TRA2B: variants seen among roughly 807,000 people sequenced by gnomAD.
TRA2B encodes transformer 2 beta homolog.
A neutral mutation model predicts 41.7 loss-of-function variants in TRA2B; 14 were observed. That is an observed-to-expected ratio of 0.34 (90% CI 0.22 to 0.53). The LOEUF is 0.53. TRA2B is among the 20% of genes least tolerant of loss of function. The probability of loss-of-function intolerance (pLI) is 0.95; values close to 1 mark genes in which losing one functional copy is unlikely to be tolerated. For missense variants in TRA2B, 167 were observed against 396.8 expected (o/e 0.42, Z 4.92); for synonymous variants, 130 against 128.8 (o/e 1.01, Z -0.06).
rs950963851 is a variant in TRA2B at position 185,917,454 on chromosome 3, T to G, written c.*261A>C. ...TGAAGTTTTGTACAATAGAAACTTC[T>G]CAGCAGTCAAAATTTAGACTGTAAA... On this transcript the variant is annotated 3_prime_UTR_variant, in exon 9 of 9. Transcript: ENST00000453386. The G allele has an allele frequency of 3.8e-5, 17 of 445,526 alleles. No homozygotes were observed. Among genetic ancestry groups the G allele is most frequent in the African/African-American group, 8.2e-5 (4 of 48,868 alleles). The allele number at this position is 445,526 out of a possible 1,614,324, so 27.6% of individuals were successfully genotyped here.
intron 1 of TRA2B, chr3:185,934,853 A>G: frequency 1.0e-6 from 1 of 985,444 alleles, no homozygotes; most frequent in Non-Finnish European, 1.2e-6. Context: ...CTATGTTGCA[A>G]TCACATCGGC....
chr3:185,934,938 ACAT>A, intron 1 of TRA2B: 2 of 985,446 alleles, frequency 2.0e-6, no homozygotes, highest in South Asian at 9.4e-5. Flanking sequence ...TCTGGTCCAT[ACAT>A]CAGTGTCTCC....
At chr3:185,928,105 T>A (rs1744019903) in intron 1 of TRA2B, 1 of 152,252 alleles carries the variant, frequency 6.6e-6, no homozygotes, top group East Asian at 1.9e-4. Context: ...AGGATTATTC[T>A]AAATTACAGC....
intron 1 of TRA2B, chr3:185,937,509 G>T: frequency 9.4e-7 from 1 of 1,058,570 alleles, no homozygotes; most frequent in Middle Eastern, 3.7e-4. Flanking sequence ...GCCGAAATAA[G>T]ATATCGCTCC....
At chr3:185,919,155 T>C (rs1034294418) in intron 7 of TRA2B, among the ~76,000 whole-genome samples, 1 of 148,532 alleles carries the variant, frequency 6.7e-6, no homozygotes, top group African/African-American at 2.6e-5. Flanking sequence ...GAAAATGTAA[T>C]ACAAGAACAT....
At chr3:185,935,900 A>C in intron 1 of TRA2B, 1 of 984,598 alleles carries the variant, frequency 1.0e-6, no homozygotes, top group Non-Finnish European at 1.2e-6. Flanking sequence ...TTATGTAAGA[A>C]AAAAAACTCA....
Position 185,924,036 on chromosome 3 carries a change from G to T in TRA2B, c.334-52C>A, listed in dbSNP as rs754073321. The T allele has an allele frequency of 9.1e-6, 14 of 1,538,706 alleles. No individual in the cohort carries two copies. The South Asian group carries it at 1.8e-4, about 20-fold the overall frequency. Reference sequence around the variant, plus strand: ...TTGGAAAAGTTGTCATAAAATCAAAGTTGTTTAAAAAGGGAGCTGTATACT... The same window carrying T: ...TTGGAAAAGTTGTCATAAAATCAAATTTGTTTAAAAAGGGAGCTGTATACT... On this transcript the variant is annotated intron_variant, in intron 3 of 8. Transcript: ENST00000453386.
chr3:185,922,134 A>C lies in TRA2B; in HGVS notation c.523-8T>G. The C allele has an allele frequency of 6.2e-7, 1 of 1,606,612 alleles. No homozygotes were observed. The highest frequency in any genetic ancestry group is 8.5e-7 in the Non-Finnish European group (1 of 1,174,472). ...ATTGGCACGTTCTTTAGCCTTCAAA[A>C]GGTAAATAAATTGTTACATACATCC... On this transcript the variant is annotated splice_region_variant and splice_polypyrimidine_tract_variant and intron_variant, in intron 4 of 8. Coordinates refer to ENST00000453386, the MANE Select transcript of TRA2B (RefSeq NM_004593.3).
At chr3:185,935,764 G>C in intron 1 of TRA2B, 22 of 985,396 alleles carry the variant, frequency 2.2e-5, no homozygotes, top group Middle Eastern at 5.2e-4. Flanking sequence ...ACACGTGTTT[G>C]ATTCAGGTGT....
chr3:185,930,152 T>C (rs189092937), intron 1 of TRA2B, among the ~76,000 whole-genome samples: 56 of 152,294 alleles, frequency 3.7e-4, no homozygotes, highest in Non-Finnish European at 2.5e-4. Context: ...AGATTCCAAA[T>C]TGCTTTCTTT....
rs1299033365 is a variant in TRA2B at position 185,915,683 on chromosome 3, CT to C, written c.*2031del. Among the ~76,000 whole-genome samples the C allele has an allele frequency of 3.3e-5, 5 of 152,102 alleles. No individual in the cohort carries two copies. The highest frequency in any genetic ancestry group is 1.2e-4 in the African/African-American group (5 of 41,414). On this transcript the variant is annotated 3_prime_UTR_variant, in exon 9 of 9. Coordinates refer to ENST00000453386, the MANE Select transcript of TRA2B (RefSeq NM_004593.3). ...AAGCCAGAAAACAACTCAAACTAGC[CT>C]AAAAAAGGAAACTTTCAATCAGCAG... is the stretch of plus-strand genomic sequence containing the variant.
chr3:185,927,305 G>A (rs1217802839), intron 1 of TRA2B: 12 of 152,228 alleles, frequency 7.9e-5, no homozygotes, highest in Admixed American at 7.9e-4. Context: ...TAGCTTGAAG[G>A]ACACTAAACC....
intron 1 of TRA2B, chr3:185,937,255 G>A (rs1744398872): frequency 3.0e-6 from 3 of 986,146 alleles, no homozygotes; most frequent in South Asian, 4.6e-5. Flanking sequence ...AGGCCCCAAA[G>A]ACATCCCAGA....
Position 185,937,892 on chromosome 3 carries a change from TTCAATCGAAGC to T in TRA2B, c.-43_-33del, listed in dbSNP as rs1175571953. ...TGGCTGCTGTCGCCGGTCGATGTGC[TTCAATCGAAGC>T]TGCCAACCTCTTGCACCTTCCTTAA... On this transcript the variant is annotated 5_prime_UTR_variant, in exon 1 of 9. Coordinates refer to ENST00000453386, the MANE Select transcript of TRA2B (RefSeq NM_004593.3). 1.2e-6 allele frequency: 2 copies of T among 1,613,320 alleles called. No homozygotes were observed. The highest frequency in any genetic ancestry group is 1.7e-6 in the Non-Finnish European group (2 of 1,179,984).
rs1336397167 is a variant in TRA2B, at chr3:185,915,611, ACACTCTTTGTAGC to A, written c.*2091_*2103del. ...ATTTTCCTCAGTCTTTTGCCTGTTAACACTCTTTGTAGCCATGTCAAATGGCTAAAATTCTTTC... is the reference window on the plus strand; with the variant it reads ...ATTTTCCTCAGTCTTTTGCCTGTTAACATGTCAAATGGCTAAAATTCTTTC... On this transcript the variant is annotated 3_prime_UTR_variant, in exon 9 of 9. Coordinates refer to ENST00000453386, the MANE Select transcript of TRA2B (RefSeq NM_004593.3). 2.6e-5 allele frequency among the ~76,000 whole-genome samples: 4 copies of A among 152,230 alleles called. No individual in the cohort carries two copies. Among genetic ancestry groups the A allele is most frequent in the Admixed American group, 2.6e-4 (4 of 15,288 alleles).
At chr3:185,921,917 C>A in intron 5 of TRA2B, 94 bp downstream of exon 5, 1 of 838,206 alleles carries the variant, frequency 1.2e-6, no homozygotes, top group Non-Finnish European at 1.9e-6. Context: ...AAGTTTATGG[C>A]ACAAACCTAA....
chr3:185,922,554 G>A (rs1198425529), intron 4 of TRA2B: 1 of 152,906 alleles, frequency 6.5e-6, no homozygotes, highest in African/African-American at 2.4e-5. Flanking sequence ...TATTGGAATA[G>A]GGCCCCAACT....
At chr3:185,935,288 A>G (rs548130420) in intron 1 of TRA2B, 2 of 985,446 alleles carry the variant, frequency 2.0e-6, no homozygotes, top group Non-Finnish European at 2.4e-6. Flanking sequence ...GATCAGGTTA[A>G]GCCTGCTAAT....
intron 1 of TRA2B, chr3:185,935,552 G>C: frequency 1.0e-6 from 1 of 985,448 alleles, no homozygotes; most frequent in Non-Finnish European, 1.2e-6. Flanking sequence ...GGGTTGTCTG[G>C]ATTAGAGACA....
Sources: allele counts gnomAD v4.1 joint callset (sites outside exome capture counted in the v4.1 genomes callset), GRCh38; gene constraint gnomAD v4.1.1; transcripts MANE v1.5; gene names NCBI Gene and HGNC (gene_info 2026-07-23, HGNC 2026-07-21).